The following ZEB1 variants were observed in gnomAD, a reference collection of about 807,000 sequenced individuals.
ZEB1 encodes the protein zinc finger E-box-binding homeobox 1.
Under a neutral mutation model 84.9 loss-of-function variants are expected in ZEB1, and 21 were observed. The ratio of observed to expected loss-of-function variants is 0.25; its 90% confidence interval spans 0.18 to 0.36. ZEB1 has a LOEUF of 0.36. ZEB1 is among the 10% of genes least tolerant of loss of function. ZEB1 has a pLI of 1.00. For synonymous variants in ZEB1, 420 were observed against 471.1 expected (o/e 0.89, Z 1.41); for missense variants, 1,104 against 1,330.2 (o/e 0.83, Z 2.65).
chr10:31,451,626 A>G (rs975454797), intron 1 of ZEB1, among the ~76,000 whole-genome samples: 1 of 152,360 alleles, frequency 6.6e-6, no homozygotes, highest in Admixed American at 6.5e-5. Context: ...TTTCCTCAAC[A>G]CAAAAAGGAA....
intron 1 of ZEB1, among the ~76,000 whole-genome samples, chr10:31,435,103 A>G (rs1055135337): frequency 6.6e-6 from 1 of 152,346 alleles, no homozygotes; most frequent in East Asian, 1.9e-4. Flanking sequence ...GCAAAATGCA[A>G]TGTTAAAAGT....
In ZEB1 at chr10:31,521,050, C is replaced by G. The variant is rs1400161566; in HGVS notation, c.1718C>G (p.Ser573Cys). 2.5e-6 allele frequency: 4 copies of G among 1,613,956 alleles called. No homozygotes were observed. The highest frequency in any genetic ancestry group is 3.4e-6 in the Non-Finnish European group (4 of 1,180,006). Residue 573 changes from serine (S) to cysteine (C), a missense_variant, in exon 7 of 9, where the codon TCT (serine) becomes TGT (cysteine). Around this residue, in one of 7 missense-constraint regions of ZEB1, gnomAD observed 531 missense variants for 575.2 expected, o/e 0.92. Coordinates refer to ENST00000424869, the MANE Select transcript of ZEB1 (RefSeq NM_001174096.2). The part of the protein sequence containing the change: ...PAAEAEKPES[S>C]VSSATGDGNL... Reference sequence around the variant, plus strand: ...GCAGAAGCTGAGAAGCCTGAGTCCTCTGTTTCATCAGCTACTGGAGATGGC... The same window carrying G: ...GCAGAAGCTGAGAAGCCTGAGTCCTGTGTTTCATCAGCTACTGGAGATGGC...
chr10:31,480,861 C>A (rs1387849390), intron 2 of ZEB1, among the ~76,000 whole-genome samples: 1 of 152,018 alleles, frequency 6.6e-6, no homozygotes, highest in Non-Finnish European at 1.5e-5. Context: ...TTTTCCATAC[C>A]TCATTCATAA....
At chr10:31,362,434 C>T (rs539415010) in intron 1 of ZEB1, among the ~76,000 whole-genome samples, 93 of 151,202 alleles carry the variant, frequency 6.2e-4, no homozygotes, top group African/African-American at 2.1e-3. Context: ...CTCCTCGCTT[C>T]GCAGACGGGA....
At chr10:31,506,905 T>A (rs1275052371) in intron 4 of ZEB1, among the ~76,000 whole-genome samples, 1 of 152,108 alleles carries the variant, frequency 6.6e-6, no homozygotes, top group Non-Finnish European at 1.5e-5. Context: ...TCTTTCTTAT[T>A]TGTACTTGTT....
At chr10:31,334,226 G>A (rs1590037483) in intron 1 of ZEB1, among the ~76,000 whole-genome samples, 1 of 152,060 alleles carries the variant, frequency 6.6e-6, no homozygotes, top group Non-Finnish European at 1.5e-5. Flanking sequence ...CTAAAGTAGA[G>A]GAGGAACACT....
At chr10:31,482,109 C>T (rs750957521) in intron 2 of ZEB1, among the ~76,000 whole-genome samples, 11 of 151,994 alleles carry the variant, frequency 7.2e-5, no homozygotes, top group African/African-American at 2.7e-4. Context: ...CTGGCAGGCA[C>T]CACCTTAACC....
At chr10:31,439,550 C>T (rs1235519055) in intron 1 of ZEB1, among the ~76,000 whole-genome samples, 2 of 151,642 alleles carry the variant, frequency 1.3e-5, no homozygotes, top group Non-Finnish European at 1.5e-5. Context: ...GTGATCGAAA[C>T]AGAAAAAATT....
chr10:31,363,726 A>G (rs1421497292), intron 1 of ZEB1: 3 of 1,189,734 alleles, frequency 2.5e-6, no homozygotes, highest in African/African-American at 1.5e-5. Flanking sequence ...AGTTGTGAGG[A>G]GACAGCACGG....
chr10:31,524,056 T>C lies in ZEB1; in HGVS notation c.2728T>C (p.Cys910Arg). ...AAATGGAATGTATGCTTGTGATTTG[T>C]GTGACAAGATATTCCAAAAGAGTAG... Reference protein sequence around the residue: ...TENGMYACDLCDKIFQKSSSL... With the variant: ...TENGMYACDLRDKIFQKSSSL... The change falls in exon 8 of 9, where the codon TGT becomes CGT. Residue 910 changes from cysteine (C) to arginine (R), a missense_variant. By Grantham distance (180) the Cys-to-Arg change is radical. Around this residue, in one of 7 missense-constraint regions of ZEB1, gnomAD observed 531 missense variants for 575.2 expected, o/e 0.92. Coordinates refer to ENST00000424869, the MANE Select transcript of ZEB1 (RefSeq NM_001174096.2). 6.2e-7 allele frequency: 1 copy of C among 1,613,960 alleles called. No individual in the cohort carries two copies. Among genetic ancestry groups the C allele is most frequent in the Non-Finnish European group, 8.5e-7 (1 of 1,179,928 alleles).
intron 1 of ZEB1, among the ~76,000 whole-genome samples, chr10:31,377,728 A>G (rs901309514): frequency 6.6e-6 from 1 of 151,824 alleles, no homozygotes; most frequent in East Asian, 1.9e-4. Flanking sequence ...GGGAAACATG[A>G]AATTCCTTTA....
At chr10:31,510,143 A>G (rs2069713162) in intron 4 of ZEB1, among the ~76,000 whole-genome samples, 1 of 152,174 alleles carries the variant, frequency 6.6e-6, no homozygotes, top group Admixed American at 6.5e-5. Context: ...CCTACCTGCA[A>G]GGGACTCTTG....
intron 4 of ZEB1, among the ~76,000 whole-genome samples, chr10:31,509,376 GA>G (rs2069572289): frequency 2.6e-5 from 4 of 152,172 alleles, no homozygotes; most frequent in African/African-American, 9.7e-5. Context: ...CCCTGCATTG[GA>G]GAGCCTTTGC....
intron 2 of ZEB1, among the ~76,000 whole-genome samples, chr10:31,488,340 T>C (rs1156995039): frequency 6.6e-6 from 1 of 151,246 alleles, no homozygotes; most frequent in African/African-American, 2.4e-5. Flanking sequence ...TTTAGGTTTA[T>C]GTTTACACAA....
chr10:31,462,516 A>G (rs1408267809), intron 2 of ZEB1, among the ~76,000 whole-genome samples: 1 of 152,212 alleles, frequency 6.6e-6, no homozygotes, highest in Non-Finnish European at 1.5e-5. Flanking sequence ...AAGAGTTCTG[A>G]GTGAAACAGA....
At chr10:31,522,735 A>C (rs1438191223) in intron 7 of ZEB1, among the ~76,000 whole-genome samples, 1 of 152,256 alleles carries the variant, frequency 6.6e-6, no homozygotes, top group African/African-American at 2.4e-5. Flanking sequence ...GAATCAAATG[A>C]ATACTAGAGA....
chr10:31,514,471 C>T (rs75715952), intron 5 of ZEB1, 132 bp from the exon 6 acceptor site: 1 of 725,360 alleles, frequency 1.4e-6, no homozygotes, highest in Non-Finnish European at 2.3e-6. Context: ...GTGACTGCTG[C>T]AATTTGAGGT....
chr10:31,375,820 G>A (rs1038864862), intron 1 of ZEB1, among the ~76,000 whole-genome samples: 3 of 151,680 alleles, frequency 2.0e-5, no homozygotes, highest in Non-Finnish European at 4.4e-5. Flanking sequence ...AATGTTTTTA[G>A]TTCAATATGA....
chr10:31,528,462 A>G lies in ZEB1; in HGVS notation c.*1198A>G, dbSNP rs2073828068. The stretch of plus-strand genomic sequence containing the variant: ...TCATAACTGTTTCCAAATGTTAGTT[A>G]TTATGGACCCAATTTATTAACAACA... On this transcript the variant is annotated 3_prime_UTR_variant, in exon 9 of 9. Coordinates refer to ENST00000424869, the MANE Select transcript of ZEB1 (RefSeq NM_001174096.2). 1 of 152,176 alleles carries G rather than the reference A, an allele frequency of 6.6e-6. No individual in the cohort carries two copies. Among genetic ancestry groups the G allele is most frequent in the Non-Finnish European group, 1.5e-5 (1 of 68,028 alleles). The allele number at this position is 152,176 out of a possible 1,614,324, so 9.4% of individuals were successfully genotyped here.
Sources: gnomAD v4.1 joint callset for allele counts (sites outside exome capture counted in the v4.1 genomes callset) on GRCh38, gnomAD v4.1.1 for gene constraint, gnomAD v4.1.1 regional missense constraint, MANE v1.5 for transcripts, NCBI Gene and HGNC (gene_info 2026-07-23, HGNC 2026-07-21) for gene names.